EP400: variants seen among roughly 807,000 people sequenced by gnomAD.
EP400 encodes the protein E1A-binding protein p400.
A neutral mutation model predicts 354.1 loss-of-function variants in EP400; 105 were observed. The ratio of observed to expected loss-of-function variants is 0.30; its 90% CI spans 0.25 to 0.35. The LOEUF (loss-of-function observed/expected upper bound fraction) is 0.35, where lower values mean the gene tolerates loss of function less well. Among genes scored for constraint, EP400 ranks in the 10% least tolerant of loss-of-function variants. EP400 has a pLI of 1.00. For missense variants in EP400, 3,280 were observed against 4,121.0 expected (o/e 0.80, Z 5.59); for synonymous variants, 1,646 against 1,716.9 (o/e 0.96, Z 1.02).
chr12:131,958,145 G>A (rs1891765262), intron 1 of EP400, among the ~76,000 whole-genome samples: 1 of 152,146 alleles, frequency 6.6e-6, no homozygotes, highest in Non-Finnish European at 1.5e-5. Flanking sequence ...TAGCTTTTGT[G>A]CCAGTTTCAC....
intron 12 of EP400, among the ~76,000 whole-genome samples, chr12:131,999,689 T>TG (rs1192770096): frequency 6.6e-6 from 1 of 152,164 alleles, no homozygotes; most frequent in African/African-American, 2.4e-5. Flanking sequence ...TCTGCCCACC[T>TG]GAGCCTCCCA....
Position 132,078,740 on chromosome 12 carries a change from T to TA in EP400, c.*1068dup, listed in dbSNP as rs1380982225. ...CCCAGTCAACTCTTCCTTGTGGACT[T>TA]ACGACAGCAGATTTTCTCTAGGATA... On this transcript the variant is annotated 3_prime_UTR_variant, in exon 53 of 53. Coordinates refer to ENST00000389561, the MANE Select transcript of EP400 (RefSeq NM_015409.5). The TA allele has an allele frequency of 1.3e-5, 2 of 152,240 alleles. No individual in the cohort carries two copies. The highest frequency in any genetic ancestry group is 1.3e-4 in the Admixed American group (2 of 15,278). 9.4% of individuals were successfully genotyped at this position (152,240 alleles called of 1,614,324 possible). A position where few individuals can be genotyped will look rare whatever the true frequency, so the allele number is the denominator to read the frequency against.
chr12:132,006,671 G>A lies in EP400; in HGVS notation c.3127-29G>A, dbSNP rs751214424. On this transcript the variant is annotated intron_variant, in intron 14 of 52. Coordinates refer to ENST00000389561, the MANE Select transcript of EP400 (RefSeq NM_015409.5). ...GTTTGGGTGATTATTTTGACGAGCT[G>A]TCATTCTTTTATTTGTTCATCACTG... The A allele has an allele frequency of 1.5e-5, 24 of 1,551,158 alleles. No individual in the cohort carries two copies. In the African/African-American group the frequency reaches 3.3e-4, roughly 22 times the overall value.
chr12:132,010,235 C>A (rs1025032813), intron 15 of EP400, among the ~76,000 whole-genome samples: 1 of 151,048 alleles, frequency 6.6e-6, no homozygotes, highest in South Asian at 2.1e-4. Context: ...TACAGGCACA[C>A]GCCACCACGC....
rs138757949 is a variant in EP400 at position 131,961,695 on chromosome 12, C to T, written c.1076C>T (p.Pro359Leu). Residue 359 changes from proline (P) to leucine (L), a missense_variant, in exon 2 of 53, where the codon CCG becomes CTG. Coordinates refer to ENST00000389561, the MANE Select transcript of EP400 (RefSeq NM_015409.5). ...KKLEEIPPAS[P>L]EMAQMRKQCL... Reference sequence around the variant, plus strand: ...TTAGAGGAGATTCCCCCAGCCTCTCCGGAGATGGCACAGATGAGGAAGCAG... The same window carrying T: ...TTAGAGGAGATTCCCCCAGCCTCTCTGGAGATGGCACAGATGAGGAAGCAG... The T allele has an allele frequency of 2.7e-5, 43 of 1,613,958 alleles. No individual in the cohort carries two copies. The highest frequency in any genetic ancestry group is 7.7e-5 in the South Asian group (7 of 91,068).
intron 12 of EP400, 196 bp downstream of exon 12, chr12:131,995,152 CCTGA>C (rs754566503): frequency 5.2e-5 from 27 of 518,352 alleles, no homozygotes; most frequent in Non-Finnish European, 9.0e-5. Flanking sequence ...CGGACACTGC[CCTGA>C]CTGTCTTTCT....
rs750095467 is a variant in EP400 at position 132,018,098 on chromosome 12, G to A, written c.4111-112G>A. 4 of 1,348,204 alleles carry A rather than the reference G, an allele frequency of 3.0e-6. No individual in the cohort carries two copies. In the South Asian group the frequency reaches 5.2e-5, roughly 17 times the overall value. 83.5% of individuals were successfully genotyped at this position (1,348,204 alleles called of 1,614,324 possible). ...GTCTGCTTGCCGAGTGGCCGTTAGA[G>A]GGGGCGCGTCTGGATGCCCACGTTA... is the stretch of plus-strand genomic sequence containing the variant. On this transcript the variant is annotated intron_variant, in intron 20 of 52. Transcript: ENST00000389561. This position sits in a 1 kb window ranked among gnomAD's most constrained non-coding sequence, Gnocchi z 4.0.
chr12:131,956,893 T>TA (rs1891719465), intron 1 of EP400, among the ~76,000 whole-genome samples: 2 of 149,132 alleles, frequency 1.3e-5, no homozygotes, highest in African/African-American at 2.5e-5. Flanking sequence ...TTTTTTTTTT[T>TA]AGGAGTCTCA....
At chr12:131,957,579 CTTTATTTATTTA>C (rs145207337) in intron 1 of EP400, among the ~76,000 whole-genome samples, 1 of 140,414 alleles carries the variant, frequency 7.1e-6, no homozygotes, top group South Asian at 2.2e-4. Flanking sequence ...TATAAAAATG[CTTTATTTATTTA>C]TTTATTTATT....
rs535956936 is a variant in EP400, at chr12:131,950,981, C to T, written c.-36+945C>T. ...GTGGCGCGATCTCGGCTCACTGCAA[C>T]CTCCGCCTCCCAGGTTCAAGCGATT... On this transcript the variant is annotated intron_variant, in intron 1 of 52. Transcript: ENST00000389561. 3.4e-4 allele frequency among the ~76,000 whole-genome samples: 52 copies of T among 152,122 alleles called. No homozygotes were observed. In the South Asian group the frequency reaches 7.3e-3, roughly 21 times the overall value.
chr12:132,043,754 G>GA (rs776623580), intron 34 of EP400, 26 bp downstream of exon 34: 64 of 1,572,804 alleles, frequency 4.1e-5, no homozygotes, highest in Non-Finnish European at 5.0e-5. Context: ...TTTGGTCAGT[G>GA]AAAAAAATTT....
At chr12:131,968,641 C>T (rs982774586) in intron 2 of EP400, among the ~76,000 whole-genome samples, 1 of 152,134 alleles carries the variant, frequency 6.6e-6, no homozygotes, top group East Asian at 1.9e-4. Flanking sequence ...AATTGTGTTG[C>T]GTCCATTGAC....
At chr12:132,003,852 A>G (rs1893497288) in intron 12 of EP400, among the ~76,000 whole-genome samples, 1 of 152,250 alleles carries the variant, frequency 6.6e-6, no homozygotes, top group South Asian at 2.1e-4. Flanking sequence ...AAATGAATTC[A>G]AAAAGTGTTT....
Position 132,006,788 on chromosome 12 carries a change from A to G in EP400, c.3215A>G (p.Lys1072Arg), listed in dbSNP as rs1240471802. The change falls in exon 15 of 53, where the codon AAG (lysine) becomes AGG (arginine). Residue 1072 changes from lysine to arginine, a missense_variant. Physicochemically the swap from Lys to Arg is conservative, Grantham distance 26 (BLOSUM62 2). Around this residue, in one of 20 missense-constraint regions of EP400, gnomAD observed 242 missense variants for 357.9 expected, o/e 0.68. Coordinates refer to ENST00000389561, the MANE Select transcript of EP400 (RefSeq NM_015409.5). ...GLDWLAKLYR[K>R]NLNGILADEA... Reference sequence around the variant, plus strand: ...GACTGGCTGGCCAAACTTTACAGGAAGAATCTCAATGGCATATTGGCAGAT... The same window carrying G: ...GACTGGCTGGCCAAACTTTACAGGAGGAATCTCAATGGCATATTGGCAGAT... 1 of 1,614,206 alleles carries G rather than the reference A, an allele frequency of 6.2e-7. No homozygotes were observed. The highest frequency in any genetic ancestry group is 1.1e-5 in the South Asian group (1 of 91,062).
At chr12:132,069,969 T>C (rs1053711852) in intron 51 of EP400, among the ~76,000 whole-genome samples, 13 of 152,160 alleles carry the variant, frequency 8.5e-5, no homozygotes, top group Admixed American at 7.9e-4. Context: ...TTTTATTTTA[T>C]TTTTTGATAT....
chr12:132,059,018 A>G (rs373813000), intron 45 of EP400, among the ~76,000 whole-genome samples: 17 of 152,224 alleles, frequency 1.1e-4, no homozygotes, highest in East Asian at 3.8e-4. Flanking sequence ...TAATGAAAAG[A>G]ACTGAAGTTA....
chr12:131,983,589 G>A (rs867907352), intron 5 of EP400, among the ~76,000 whole-genome samples: 2 of 152,356 alleles, frequency 1.3e-5, no homozygotes, highest in South Asian at 4.1e-4. Flanking sequence ...GCACATCAGG[G>A]CGTGGGGAGC....
At chr12:131,985,899 C>T (rs976750902) in intron 5 of EP400, among the ~76,000 whole-genome samples, 1 of 152,212 alleles carries the variant, frequency 6.6e-6, no homozygotes, top group Non-Finnish European at 1.5e-5. Flanking sequence ...TGAGCCACTG[C>T]GCCTGGCCTG....
At chr12:132,043,022 G>A (rs112943239) in intron 32 of EP400, among the ~76,000 whole-genome samples, 191 of 152,318 alleles carry the variant, frequency 1.3e-3, no homozygotes, top group Non-Finnish European at 2.1e-3. Flanking sequence ...GCCCTGGCAC[G>A]CTTTGCCTGC....
Sources: allele counts gnomAD v4.1 joint callset (sites outside exome capture counted in the v4.1 genomes callset), GRCh38; gene constraint gnomAD v4.1.1; regional missense constraint gnomAD v4.1.1; non-coding constraint Gnocchi (gnomAD v3.1); transcripts MANE v1.5; gene names NCBI Gene and HGNC (gene_info 2026-07-23, HGNC 2026-07-21).